The following SYNE2 variants were observed in gnomAD, a reference collection of about 807,000 sequenced individuals.
SYNE2 encodes nesprin-2.
In SYNE2, 431 loss-of-function variants were observed where a neutral mutation model predicts 856.3. That is an observed-to-expected ratio of 0.50 (90% confidence interval 0.47 to 0.55). The LOEUF is 0.55. Ranked by LOEUF, SYNE2 falls within the 20% of genes least tolerant of loss-of-function variation. The probability of loss-of-function intolerance (pLI) is 0.00; values close to 1 mark genes in which losing one functional copy is unlikely to be tolerated. For missense variants in SYNE2, 8,129 were observed against 8,023.2 expected (o/e 1.01, Z -0.50); for synonymous variants, 2,923 against 2,872.3 (o/e 1.02, Z -0.56).
At chr14:64,189,422 G>A (rs1260809828) in intron 98 of SYNE2, among the ~76,000 whole-genome samples, 3 of 151,954 alleles carry the variant, frequency 2.0e-5, no homozygotes, top group Admixed American at 6.6e-5. Context: ...GGTCTCCACA[G>A]GGAAAAGTAA....
intron 46 of SYNE2, chr14:64,048,778 G>A (rs920693433): frequency 2.0e-5 from 3 of 152,072 alleles, no homozygotes; most frequent in African/African-American, 7.3e-5. Flanking sequence ...GCAAGATGAT[G>A]TGTGCCTGTA....
intron 1 of SYNE2, among the ~76,000 whole-genome samples, chr14:63,777,738 A>G (rs751728045): frequency 6.6e-6 from 1 of 152,122 alleles, no homozygotes; most frequent in Non-Finnish European, 1.5e-5. Context: ...GCTCAATCAT[A>G]GCTCACTGTA....
chr14:63,975,467 A>T (rs1343309503), intron 11 of SYNE2, among the ~76,000 whole-genome samples: 1 of 151,910 alleles, frequency 6.6e-6, no homozygotes, highest in Non-Finnish European at 1.5e-5. Context: ...TGAGTAGCTG[A>T]GACTATAGGT....
intron 1 of SYNE2, among the ~76,000 whole-genome samples, chr14:63,806,687 A>T (rs1888372116): frequency 1.3e-5 from 2 of 151,916 alleles, no homozygotes; most frequent in Admixed American, 6.6e-5. Context: ...ATAGTTTTTG[A>T]GGGCTTTTTG....
chr14:64,198,283 A>G (rs1402739664), intron 99 of SYNE2, among the ~76,000 whole-genome samples: 1 of 152,230 alleles, frequency 6.6e-6, no homozygotes, highest in Non-Finnish European at 1.5e-5. Context: ...GTTTCTGAAT[A>G]GGTTTTCTCA....
intron 84 of SYNE2, among the ~76,000 whole-genome samples, chr14:64,147,244 A>G (rs1211064468): frequency 6.6e-6 from 1 of 152,140 alleles, no homozygotes; most frequent in Non-Finnish European, 1.5e-5. Context: ...GGCTTCCTTC[A>G]GACCACCCTC....
At chr14:64,147,052 C>G (rs551368024) in intron 84 of SYNE2, among the ~76,000 whole-genome samples, 1 of 152,346 alleles carries the variant, frequency 6.6e-6, no homozygotes, top group South Asian at 2.1e-4. Context: ...TGACAGCCAC[C>G]TTGGAGTCAT....
chr14:64,147,594 CAAGCTGTAAATAAAATA>C (rs2098198672), intron 84 of SYNE2, among the ~76,000 whole-genome samples: 1 of 152,174 alleles, frequency 6.6e-6, no homozygotes, highest in South Asian at 2.1e-4. Context: ...ACCTCACTAC[CAAGCTGTAAATAAAATA>C]AATTCCAGAC....
chr14:64,220,759 A>G (rs1446780561), intron 111 of SYNE2, 122 bp downstream of exon 111: 4 of 1,171,460 alleles, frequency 3.4e-6, no homozygotes, highest in Non-Finnish European at 4.9e-6. Context: ...GTGTCAGGAA[A>G]CATGTGCTTT....
intron 1 of SYNE2, among the ~76,000 whole-genome samples, chr14:63,899,044 T>G (rs2095299233): frequency 6.6e-6 from 1 of 152,190 alleles, no homozygotes; most frequent in Non-Finnish European, 1.5e-5. Context: ...AACTCTCCAT[T>G]CCCTGGCAGC....
chr14:63,797,226 G>A (rs1480043388), intron 1 of SYNE2, among the ~76,000 whole-genome samples: 1 of 150,956 alleles, frequency 6.6e-6, no homozygotes, highest in African/African-American at 2.4e-5. Flanking sequence ...GTGAAACCCT[G>A]TAAAAATACA....
At chr14:64,209,352 T>G (rs1039931324) in intron 101 of SYNE2, 76 bp from the exon 102 acceptor site, 37 of 1,610,934 alleles carry the variant, frequency 2.3e-5, no homozygotes, top group Non-Finnish European at 3.0e-5. Context: ...ACCGTGCGGG[T>G]GTCAGGGGAT....
chr14:64,177,142 G>C (rs1317921575), intron 95 of SYNE2, among the ~76,000 whole-genome samples: 1 of 152,168 alleles, frequency 6.6e-6, no homozygotes, highest in Non-Finnish European at 1.5e-5. Context: ...TGGTTGAAAT[G>C]AGCCACAGGT....
In SYNE2 at chr14:64,125,961, G is replaced by C. The variant is rs376184949; in HGVS notation, c.13555-366G>C. 1.7e-4 allele frequency among the ~76,000 whole-genome samples: 26 copies of C among 152,134 alleles called. 1 individual carries two copies. Among genetic ancestry groups the C allele is most frequent in the Middle Eastern group, 3.4e-3 (1 of 294 alleles). ...CCAGCTATACTTGATTTCATTAACC[G>C]CTTTCTCCTACATTAGAATGTGGAG... On this transcript the variant is annotated intron_variant, in intron 71 of 115. Transcript: ENST00000555002.
chr14:64,180,050 A>G (rs1050903730), intron 96 of SYNE2, among the ~76,000 whole-genome samples: 3 of 152,186 alleles, frequency 2.0e-5, no homozygotes, highest in Non-Finnish European at 2.9e-5. Context: ...TGATTTTTGC[A>G]TACGTTTTAA....
chr14:63,862,380 C>T lies in SYNE2; in HGVS notation c.-52+9237C>T, dbSNP rs139606881. Among the ~76,000 whole-genome samples, 8 of 152,246 alleles carry T rather than the reference C, an allele frequency of 5.3e-5. No homozygotes were observed. In the East Asian group the frequency reaches 1.5e-3, roughly 29 times the overall value. Reference sequence around the variant, plus strand: ...CTTATTGCAGCCCTGACCTCCTTGGCTCAAGTGATCCTCCAGCCTCGTGTT... The same window carrying T: ...CTTATTGCAGCCCTGACCTCCTTGGTTCAAGTGATCCTCCAGCCTCGTGTT... On this transcript the variant is annotated intron_variant, in intron 1 of 115. Coordinates refer to ENST00000555002, the MANE Select transcript of SYNE2 (RefSeq NM_182914.3).
chr14:63,866,558 C>CA (rs1456123291), intron 1 of SYNE2, among the ~76,000 whole-genome samples: 4 of 151,798 alleles, frequency 2.6e-5, no homozygotes, highest in East Asian at 1.9e-4. Flanking sequence ...ACCTACAGTG[C>CA]AAAAAAAGTG....
At chr14:64,004,338 T>C (rs2096779105) in intron 30 of SYNE2, among the ~76,000 whole-genome samples, 1 of 151,538 alleles carries the variant, frequency 6.6e-6, no homozygotes, top group African/African-American at 2.4e-5. Context: ...TTTTTTTGTT[T>C]GTTTGTTTTT....
intron 67 of SYNE2, among the ~76,000 whole-genome samples, chr14:64,120,196 A>G (rs1235503616): frequency 6.6e-6 from 1 of 152,232 alleles, no homozygotes; most frequent in African/African-American, 2.4e-5. Context: ...GTTCACAGAA[A>G]TAAGACTGGC....
Sources: allele counts gnomAD v4.1 joint callset (sites outside exome capture counted in the v4.1 genomes callset), GRCh38; gene constraint gnomAD v4.1.1; transcripts MANE v1.5; gene names NCBI Gene and HGNC (gene_info 2026-07-23, HGNC 2026-07-21).